The following SRFBP1 variants were observed in gnomAD, a reference collection of about 807,000 sequenced individuals.
The protein encoded by SRFBP1 is serum response factor-binding protein 1.
In SRFBP1, 47 loss-of-function variants were observed where a neutral mutation model predicts 45.5. The ratio of observed to expected loss-of-function variants is 1.03; its 90% CI spans 0.82 to 1.32. SRFBP1 has a LOEUF of 1.32. Among genes scored for constraint, SRFBP1 ranks in the 40% most tolerant of loss-of-function variants. The pLI, the probability that SRFBP1 is intolerant of heterozygous loss-of-function variation, is 0.00. For synonymous variants in SRFBP1, 203 were observed against 166.3 expected (o/e 1.22, Z -1.70); for missense variants, 621 against 484.6 (o/e 1.28, Z -2.64).
chr5:122,049,195 T>C (rs906139131), intron 2 of SRFBP1, among the ~76,000 whole-genome samples: 2 of 152,082 alleles, frequency 1.3e-5, no homozygotes, highest in Non-Finnish European at 2.9e-5. Context: ...ACCAAGCAAA[T>C]GGAAGACAAA....
downstream of SRFBP1, among the ~76,000 whole-genome samples, chr5:122,029,464 G>A (rs140104646): frequency 1.1e-3 from 165 of 152,238 alleles, no homozygotes; most frequent in Non-Finnish European, 1.8e-3. Flanking sequence ...CCTCATGCAG[G>A]TTGATCTTCC....
chr5:122,070,366 G>C, intron 2 of SRFBP1: 1 of 648,156 alleles, frequency 1.5e-6, no homozygotes, highest in Non-Finnish European at 2.7e-6. Context: ...GATTAGATTA[G>C]ATTGTTTATA....
At chr5:122,047,874 G>A (rs1213669601) in intron 2 of SRFBP1, among the ~76,000 whole-genome samples, 9 of 152,178 alleles carry the variant, frequency 5.9e-5, no homozygotes, top group African/African-American at 9.7e-5. Flanking sequence ...AAGAATGCTT[G>A]TGATTTTTGC....
At chr5:121,998,336 T>C (rs1382134299) in intron 4 of SRFBP1, among the ~76,000 whole-genome samples, 4 of 148,918 alleles carry the variant, frequency 2.7e-5, no homozygotes, top group Middle Eastern at 3.2e-3. Flanking sequence ...TATGCAGCCA[T>C]AAAAAATGAT....
rs187902431 is a variant in SRFBP1 at position 122,034,070 on chromosome 5, C to T, written n.311+11663C>T. ...AACTCCTGACCTCAGGTGATCCACCCGCCTCAGCCTCCCATGGTGCTGGGA... is the reference window on the plus strand; with the variant it reads ...AACTCCTGACCTCAGGTGATCCACCTGCCTCAGCCTCCCATGGTGCTGGGA... On this transcript the variant is annotated intron_variant and non_coding_transcript_variant, in intron 2 of 2. Transcript: ENST00000504881. Among the ~76,000 whole-genome samples, 777 of 151,836 alleles carry T rather than the reference C, an allele frequency of 5.1e-3. 10 individuals carry two copies. Among genetic ancestry groups the T allele is most frequent in the African/African-American group, 0.017 (725 of 41,440 alleles).
chr5:122,052,657 C>T (rs1335075216), intron 2 of SRFBP1, among the ~76,000 whole-genome samples: 2 of 152,154 alleles, frequency 1.3e-5, no homozygotes, highest in Non-Finnish European at 2.9e-5. Flanking sequence ...TATCGTTTTA[C>T]AGTGATTCTT....
At chr5:121,990,192 T>A (rs935313938) in intron 3 of SRFBP1, among the ~76,000 whole-genome samples, 16 of 152,046 alleles carry the variant, frequency 1.1e-4, no homozygotes, top group Admixed American at 2.6e-4. Context: ...AATGGTAGAT[T>A]GAATAAAGAA....
Position 122,022,383 on chromosome 5 carries a change from C to G in SRFBP1, c.1081C>G (p.Gln361Glu). 3 of 1,611,114 alleles carry G rather than the reference C, an allele frequency of 1.9e-6. No individual in the cohort carries two copies. Among genetic ancestry groups the G allele is most frequent in the Non-Finnish European group, 2.5e-6 (3 of 1,178,782 alleles). The change falls in exon 7 of 8, where the codon CAG (glutamine) becomes GAG (glutamate). Residue 361 changes from glutamine (Q) to glutamate (E), a missense_variant. Gln to Glu is a conservative substitution (Grantham distance 29). Transcript: ENST00000339397. ...SKSSRRNFKE[Q>E]APKTRSLDFP... Reference sequence around the variant, plus strand: ...TTCTTCTTTTAGAAATTTCAAAGAACAGGCTCCAAAAACAAGATCCCTAGG... The same window carrying G: ...TTCTTCTTTTAGAAATTTCAAAGAAGAGGCTCCAAAAACAAGATCCCTAGG...
At chr5:121,963,590 T>G (rs1751996412) in intron 1 of SRFBP1, among the ~76,000 whole-genome samples, 1 of 152,216 alleles carries the variant, frequency 6.6e-6, no homozygotes, top group African/African-American at 2.4e-5. Flanking sequence ...GAAACCTTCA[T>G]TAACTCCTCT....
intron 4 of SRFBP1, among the ~76,000 whole-genome samples, chr5:122,006,021 A>G (rs1752965385): frequency 6.6e-6 from 1 of 152,168 alleles, no homozygotes; most frequent in Non-Finnish European, 1.5e-5. Flanking sequence ...TAGTGTTAAA[A>G]TTAGTGTTCT....
chr5:121,990,343 T>G (rs1200685556), intron 3 of SRFBP1, among the ~76,000 whole-genome samples: 1 of 152,188 alleles, frequency 6.6e-6, no homozygotes, highest in Non-Finnish European at 1.5e-5. Flanking sequence ...GTACTTCATG[T>G]TCTCATTTTC....
intron 2 of SRFBP1, among the ~76,000 whole-genome samples, chr5:122,069,091 ATGT>A (rs1276036095): frequency 6.6e-6 from 1 of 152,034 alleles, no homozygotes; most frequent in Non-Finnish European, 1.5e-5. Flanking sequence ...TCTATCTCTA[ATGT>A]TGTGACAACA....
chr5:121,965,058 T>A (rs1234410617), intron 1 of SRFBP1, among the ~76,000 whole-genome samples: 1 of 152,240 alleles, frequency 6.6e-6, no homozygotes, highest in Non-Finnish European at 1.5e-5. Flanking sequence ...CTTGTAAATT[T>A]GTTTAAGTTC....
intron 1 of SRFBP1, among the ~76,000 whole-genome samples, chr5:121,968,767 T>A (rs1360027524): frequency 6.6e-6 from 1 of 152,184 alleles, no homozygotes; most frequent in East Asian, 1.9e-4. Flanking sequence ...TGTATTTGTC[T>A]GTTTCCTCCA....
intron 7 of SRFBP1, among the ~76,000 whole-genome samples, chr5:122,023,896 T>G (rs2112712510): frequency 6.6e-6 from 1 of 152,324 alleles, no homozygotes; most frequent in South Asian, 2.1e-4. Flanking sequence ...CAAACTTGTC[T>G]TATTTGTTTG....
intron 2 of SRFBP1, chr5:122,073,979 G>C: frequency 1.3e-6 from 2 of 1,596,450 alleles, no homozygotes; most frequent in Non-Finnish European, 1.7e-6. Context: ...TCTCTCTGAG[G>C]CTTGAGGTTC....
chr5:122,062,866 G>A (rs1007369869), intron 2 of SRFBP1, among the ~76,000 whole-genome samples: 1 of 151,778 alleles, frequency 6.6e-6, no homozygotes, highest in African/African-American at 2.4e-5. Flanking sequence ...AGAATTAGAT[G>A]TGTGTGTGTG....
chr5:122,013,256 C>A (rs1000032200), intron 4 of SRFBP1, among the ~76,000 whole-genome samples: 1 of 151,954 alleles, frequency 6.6e-6, no homozygotes, highest in Non-Finnish European at 1.5e-5. Flanking sequence ...TTTCATATTT[C>A]AATATAACAA....
intron 2 of SRFBP1, among the ~76,000 whole-genome samples, chr5:122,034,052 G>A (rs1048889494): frequency 1.2e-4 from 18 of 152,074 alleles, no homozygotes; most frequent in Admixed American, 6.6e-4. Context: ...TCGAACTCCT[G>A]ACCTCAGGTG....
Sources: gnomAD v4.1 joint callset for allele counts (sites outside exome capture counted in the v4.1 genomes callset) on GRCh38, gnomAD v4.1.1 for gene constraint, MANE v1.5 for transcripts, NCBI Gene and HGNC (gene_info 2026-07-23, HGNC 2026-07-21) for gene names.